MTHFD1L: variants seen among roughly 807,000 people sequenced by gnomAD.
The protein encoded by MTHFD1L is monofunctional C1-tetrahydrofolate synthase, mitochondrial.
A neutral mutation model predicts 119.5 loss-of-function variants in MTHFD1L; 81 were observed. The observed-to-expected ratio is 0.68, with a 90% CI of 0.57 to 0.82. MTHFD1L has a LOEUF of 0.82. MTHFD1L is among the 40% of genes least tolerant of loss of function. MTHFD1L has a pLI of 0.00. For missense variants in MTHFD1L, 1,125 were observed against 1,253.4 expected, an observed-to-expected ratio of 0.90 and a Z score of 1.55; for synonymous variants, 430 against 475.2, an observed-to-expected ratio of 0.90 and a Z score of 1.24.
chr6:150,975,665 G>T (rs1776447910), intron 20 of MTHFD1L, among the ~76,000 whole-genome samples: 1 of 152,196 alleles, frequency 6.6e-6, no homozygotes, highest in South Asian at 2.1e-4. Flanking sequence ...CTGACAGTGG[G>T]AAGGGGAAGG....
intron 20 of MTHFD1L, among the ~76,000 whole-genome samples, chr6:150,983,321 A>G (rs964989087): frequency 7.9e-5 from 12 of 152,058 alleles, no homozygotes; most frequent in Non-Finnish European, 1.2e-4. Flanking sequence ...GTATTGCCTT[A>G]TAACTGTTGT....
chr6:151,002,828 C>T (rs536257901), intron 20 of MTHFD1L, among the ~76,000 whole-genome samples: 15 of 152,348 alleles, frequency 9.8e-5, no homozygotes, highest in Admixed American at 5.9e-4. Flanking sequence ...CTTCCTCCTG[C>T]GTGAGCCACT....
intron 20 of MTHFD1L, among the ~76,000 whole-genome samples, chr6:151,007,454 G>T (rs891339128): frequency 2.6e-5 from 4 of 152,162 alleles, no homozygotes. Context: ...TGGTTACAAA[G>T]ATGTGAACTA....
intron 20 of MTHFD1L, among the ~76,000 whole-genome samples, chr6:150,987,618 G>C (rs937522685): frequency 6.6e-6 from 1 of 152,220 alleles, no homozygotes; most frequent in East Asian, 1.9e-4. Context: ...CTAGCGCAAG[G>C]GGGAGCAGGA....
intron 21 of MTHFD1L, among the ~76,000 whole-genome samples, chr6:151,010,970 A>G (rs902244104): frequency 6.6e-6 from 1 of 152,156 alleles, no homozygotes; most frequent in Admixed American, 6.6e-5. Flanking sequence ...TGATTTTTAT[A>G]CCATTTTACA....
At chr6:150,947,489 T>C (rs1433981919) in intron 15 of MTHFD1L, among the ~76,000 whole-genome samples, 2 of 152,024 alleles carry the variant, frequency 1.3e-5, no homozygotes. Flanking sequence ...CTCAGCACTT[T>C]GGGAGGCCAA....
chr6:150,912,306 T>TG (rs996629785), intron 8 of MTHFD1L, among the ~76,000 whole-genome samples: 5 of 152,100 alleles, frequency 3.3e-5, no homozygotes, highest in African/African-American at 1.2e-4. Flanking sequence ...TTTTTGTTTT[T>TG]TTTTTTCAAG....
Position 151,035,290 on chromosome 6 carries a change from A to C in MTHFD1L, c.2694+690A>C, listed in dbSNP as rs181656194. ...TTCACCAAAAGGACCGTATGCCTCG[A>C]GTGTCCCTCCTACTTTGGTGTAGTC... On this transcript the variant is annotated intron_variant, in intron 25 of 27. Coordinates refer to ENST00000367321, the MANE Select transcript of MTHFD1L (RefSeq NM_015440.5). Among the ~76,000 whole-genome samples the C allele has an allele frequency of 5.5e-3, 840 of 152,296 alleles. 12 individuals carry two copies. Among genetic ancestry groups the C allele is most frequent in the African/African-American group, 0.019 (784 of 41,558 alleles).
At chr6:150,893,723 C>T (rs1056302672) in intron 7 of MTHFD1L, among the ~76,000 whole-genome samples, 3 of 152,198 alleles carry the variant, frequency 2.0e-5, no homozygotes, top group African/African-American at 7.2e-5. Context: ...CCGGTGTGGG[C>T]TGACCTTCCG....
In MTHFD1L at chr6:150,868,926, T is replaced by C. The variant is rs1778918694; in HGVS notation, c.227+2877T>C. ...AAAATTTTAAAAAATTAACTGGGCG[T>C]GGCGCGTGCCTGTAGTTCCAGCTAC... On this transcript the variant is annotated intron_variant, in intron 1 of 27. Transcript: ENST00000367321. Among the ~76,000 whole-genome samples, 3 of 152,072 alleles carry C rather than the reference T, an allele frequency of 2.0e-5. No individual in the cohort carries two copies. The South Asian group carries it at 6.2e-4, about 31-fold the overall frequency.
intron 9 of MTHFD1L, among the ~76,000 whole-genome samples, chr6:150,919,683 T>C (rs1256714346): frequency 6.6e-6 from 1 of 152,098 alleles, no homozygotes; most frequent in African/African-American, 2.4e-5. Context: ...CTATATACTT[T>C]TAAATGACCA....
At chr6:150,964,408 A>T (rs1796897685) in intron 18 of MTHFD1L, among the ~76,000 whole-genome samples, 1 of 152,198 alleles carries the variant, frequency 6.6e-6, no homozygotes, top group South Asian at 2.1e-4. Flanking sequence ...GTAGGAAGAG[A>T]GATAGCGTGA....
intron 27 of MTHFD1L, chr6:151,099,480 C>T (rs1387726154): frequency 1.2e-5 from 14 of 1,175,268 alleles, no homozygotes; most frequent in African/African-American, 4.5e-5. Flanking sequence ...CTTCTCTCTT[C>T]CTCGGCGCTG....
chr6:150,905,498 T>G, intron 7 of MTHFD1L, 152 bp from the exon 8 acceptor site: 1 of 614,830 alleles, frequency 1.6e-6, no homozygotes, highest in Non-Finnish European at 2.9e-6. Context: ...AATACATGCT[T>G]GAAAGGAATT....
intron 11 of MTHFD1L, among the ~76,000 whole-genome samples, chr6:150,928,411 A>T (rs1480762852): frequency 3.0e-5 from 4 of 133,188 alleles, no homozygotes; most frequent in South Asian, 2.8e-4. Flanking sequence ...ACTCCAGCCT[A>T]GGTGACAGAG....
chr6:150,913,912 T>C (rs1410476656), intron 8 of MTHFD1L, among the ~76,000 whole-genome samples: 1 of 152,036 alleles, frequency 6.6e-6, no homozygotes, highest in African/African-American at 2.4e-5. Flanking sequence ...TGGTGGATCA[T>C]CTGAGGTCAG....
intron 20 of MTHFD1L, among the ~76,000 whole-genome samples, chr6:150,974,979 C>T (rs1562481409): frequency 1.3e-5 from 2 of 152,052 alleles, no homozygotes; most frequent in Non-Finnish European, 2.9e-5. Context: ...CTCAGGTGAT[C>T]CACCCATATC....
At chr6:150,925,962 G>A (rs1221735735) in intron 10 of MTHFD1L, among the ~76,000 whole-genome samples, 160 bp from the exon 11 acceptor site, 2 of 152,096 alleles carry the variant, frequency 1.3e-5, no homozygotes, top group Non-Finnish European at 2.9e-5. Flanking sequence ...TCTCATACAC[G>A]TTAATTATTA....
At chr6:150,879,061 AC>A (rs2128748816) in intron 4 of MTHFD1L, among the ~76,000 whole-genome samples, 1 of 152,278 alleles carries the variant, frequency 6.6e-6, no homozygotes, top group African/African-American at 2.4e-5. Flanking sequence ...TAGTTTTTAT[AC>A]CAGGAAGCCT....
Sources: gnomAD v4.1 joint callset for allele counts (sites outside exome capture counted in the v4.1 genomes callset) on GRCh38, gnomAD v4.1.1 for gene constraint, MANE v1.5 for transcripts, NCBI Gene and HGNC (gene_info 2026-07-23, HGNC 2026-07-21) for gene names.